Variants in MAX observed in about 807,000 individuals in gnomAD.
MAX encodes the protein protein max.
Under a neutral mutation model 22.3 loss-of-function variants are expected in MAX, and 3 were observed. The observed-to-expected ratio is 0.13, with a 90% CI of 0.06 to 0.35. MAX has a LOEUF of 0.35. Ranked by LOEUF, MAX falls within the 10% of genes least tolerant of loss-of-function variation. The pLI is 1.00. For missense variants in MAX, 119 were observed against 209.4 expected, an observed-to-expected ratio of 0.57 and a Z score of 2.66; for synonymous variants, 72 against 77.7, an observed-to-expected ratio of 0.93 and a Z score of 0.39.
Position 65,029,957 on chromosome 14 carries a change from A to G in MAX, c.172-23673T>C, listed in dbSNP as rs2062048016. Among the ~76,000 whole-genome samples, 1 of 152,236 alleles carries G rather than the reference A, an allele frequency of 6.6e-6. No homozygotes were observed. The highest frequency in any genetic ancestry group is 1.5e-5 in the Non-Finnish European group (1 of 68,040). ...GGCTTGGATTTGGGTGATGGCAGCAAGGATGGAAAGTTAGTGGACAAATTC... is the reference window on the plus strand; with the variant it reads ...GGCTTGGATTTGGGTGATGGCAGCAGGGATGGAAAGTTAGTGGACAAATTC... On this transcript the variant is annotated intron_variant, in intron 3 of 3. Transcript: ENST00000341653. This position sits in a 1 kb window ranked among gnomAD's most constrained non-coding sequence, Gnocchi z 4.7.
chr14:65,061,569 C>T (rs931400728), intron 3 of MAX: 20 of 421,356 alleles, frequency 4.7e-5, no homozygotes, highest in Non-Finnish European at 8.1e-5. Context: ...ACAGTGCATG[C>T]CAGGAGGAAG....
In MAX at chr14:65,027,777, G is replaced by A. The variant is rs1473519935; in HGVS notation, c.172-21493C>T. 1 of 1,614,172 alleles carries A rather than the reference G, an allele frequency of 6.2e-7. No homozygotes were observed. The highest frequency in any genetic ancestry group is 8.5e-7 in the Non-Finnish European group (1 of 1,180,034). On this transcript the variant is annotated intron_variant, in intron 3 of 3. Transcript: ENST00000341653. The surrounding 1 kb of genome is among the most constrained non-coding windows in gnomAD (Gnocchi z 5.7). ...CATGCATGTCGGAGGTGAGGTGGATGTGAGGTGAGTGGGGTTTTGCACAGG... is the reference window on the plus strand; with the variant it reads ...CATGCATGTCGGAGGTGAGGTGGATATGAGGTGAGTGGGGTTTTGCACAGG...
chr14:65,061,502 ATTCT>A, intron 3 of MAX: 1 of 1,084,292 alleles, frequency 9.2e-7, no homozygotes, highest in Admixed American at 3.0e-5. Context: ...GGTTTTAAAA[ATTCT>A]TTCCACACCT....
At position 65,079,310 on chromosome 14, in the gene MAX, TGA is replaced by T. The variant is rs1483915824; in HGVS notation, c.172-1276_172-1275del. The stretch of plus-strand genomic sequence containing the variant: ...GCTTGATGTCAACACAGGAAGAGCA[TGA>T]GATTGGGCCATTTCAGGAAACAACC... On this transcript the variant is annotated intron_variant, in intron 3 of 4. Transcript: ENST00000358664. The surrounding 1 kb of genome is among the most constrained non-coding windows in gnomAD (Gnocchi z 4.5). 2.6e-5 allele frequency among the ~76,000 whole-genome samples: 4 copies of T among 152,276 alleles called. No individual in the cohort carries two copies. The highest frequency in any genetic ancestry group is 7.2e-5 in the African/African-American group (3 of 41,556).
chr14:65,099,777 A>G (rs2063780251), intron 2 of MAX, among the ~76,000 whole-genome samples: 1 of 152,252 alleles, frequency 6.6e-6, no homozygotes, highest in African/African-American at 2.4e-5. Flanking sequence ...TTCAATTTTC[A>G]AATATATGCA....
At chr14:65,074,638 G>T (rs1160655549), downstream of MAX, among the ~76,000 whole-genome samples, 1 of 152,210 alleles carries the variant, frequency 6.6e-6, no homozygotes, top group African/African-American at 2.4e-5. Flanking sequence ...CTGGTGTTGG[G>T]TCCCAGTCTG....
chr14:65,095,863 A>G (rs1288460493), intron 2 of MAX, among the ~76,000 whole-genome samples: 1 of 152,174 alleles, frequency 6.6e-6, no homozygotes, highest in Non-Finnish European at 1.5e-5. Context: ...GAGCCCTGCA[A>G]ATCTCAAACA....
Position 65,031,528 on chromosome 14 carries a change from G to C in MAX, c.172-25244C>G, listed in dbSNP as rs2062083626. Among the ~76,000 whole-genome samples, 1 of 151,724 alleles carries C rather than the reference G, an allele frequency of 6.6e-6. No individual in the cohort carries two copies. Among genetic ancestry groups the C allele is most frequent in the Admixed American group, 6.6e-5 (1 of 15,252 alleles). On this transcript the variant is annotated intron_variant, in intron 3 of 3. Transcript: ENST00000341653. The surrounding 1 kb of genome is among the most constrained non-coding windows in gnomAD (Gnocchi z 4.6). ...AGACGGGGTTTCGCAATATTGGTCA[G>C]GTTGGTCTTGAACTCCTGGCCTCGT...
Position 65,027,543 on chromosome 14 carries a change from A to G in MAX, c.172-21259T>C. The stretch of plus-strand genomic sequence containing the variant: ...ATCCACACCTTGCACCCACATATGC[A>G]GCAGTCAATGCATTGTGCATCATTG... On this transcript the variant is annotated intron_variant, in intron 3 of 3. Coordinates refer to the MAX transcript ENST00000341653. This position sits in a 1 kb window ranked among gnomAD's most constrained non-coding sequence, Gnocchi z 5.7. 1 of 1,614,208 alleles carries G rather than the reference A, an allele frequency of 6.2e-7. No individual in the cohort carries two copies. The highest frequency in any genetic ancestry group is 2.2e-5 in the East Asian group (1 of 44,888).
rs1566555304 is a variant in MAX, at chr14:65,029,820, AT to A, written c.172-23537del. ...AGTTTAGTGATGTGATCTGATTTGT[AT>A]TTTCTTAGAAGTTTCCCAATTGCAG... On this transcript the variant is annotated intron_variant, in intron 3 of 3. Coordinates refer to the MAX transcript ENST00000341653. The surrounding 1 kb of genome is among the most constrained non-coding windows in gnomAD (Gnocchi z 4.7). Among the ~76,000 whole-genome samples, 1 of 152,070 alleles carries A rather than the reference AT, an allele frequency of 6.6e-6. No individual in the cohort carries two copies. Among genetic ancestry groups the A allele is most frequent in the Non-Finnish European group, 1.5e-5 (1 of 68,016 alleles).
chr14:65,077,876 C>G lies in MAX; in HGVS notation c.295+37G>C, dbSNP rs1469469757. 3 of 1,614,102 alleles carry G rather than the reference C, an allele frequency of 1.9e-6. No homozygotes were observed. Among genetic ancestry groups the G allele is most frequent in the African/African-American group, 1.3e-5 (1 of 74,948 alleles). The stretch of plus-strand genomic sequence containing the variant: ...GCCAAAGCCTGACCTGGCTGGAGCA[C>G]AGCAGGGCCAGCTGCCCCACGAGCT... On this transcript the variant is annotated intron_variant, in intron 4 of 4. Transcript: ENST00000358664. The surrounding 1 kb of genome is among the most constrained non-coding windows in gnomAD (Gnocchi z 6.3).
intron 3 of MAX, among the ~76,000 whole-genome samples, chr14:65,089,069 G>C (rs986127433): frequency 6.6e-6 from 1 of 152,294 alleles, no homozygotes. Context: ...CCCAACAACA[G>C]AGCAAGACCC....
rs553309786 is a variant in MAX at position 65,035,712 on chromosome 14, T to A, written c.172-29428A>T. ...AACCAGCTAATGTTTAAAAAAAAAA[T>A]TTGTAGAGATGGGATCTGTCTGTGT... On this transcript the variant is annotated intron_variant, in intron 3 of 3. Transcript: ENST00000341653. Among the ~76,000 whole-genome samples the A allele has an allele frequency of 3.3e-5, 5 of 151,362 alleles. No homozygotes were observed. In the South Asian group the frequency reaches 6.3e-4, roughly 19 times the overall value.
chr14:65,090,853 G>T (rs1595158672), intron 3 of MAX, among the ~76,000 whole-genome samples: 1 of 152,234 alleles, frequency 6.6e-6, no homozygotes, highest in East Asian at 1.9e-4. Flanking sequence ...AAAACAAAGG[G>T]TAAATAGAGT....
chr14:65,033,255 A>G (rs1488670357), intron 3 of MAX, among the ~76,000 whole-genome samples: 1 of 152,248 alleles, frequency 6.6e-6, no homozygotes, highest in East Asian at 1.9e-4. Flanking sequence ...CAAAAAAACC[A>G]TACAGATTAG....
chr14:65,088,897 G>T lies in MAX; in HGVS notation c.171+4811C>A, dbSNP rs1369954155. Among the ~76,000 whole-genome samples the T allele has an allele frequency of 6.6e-6, 1 of 152,130 alleles. No homozygotes were observed. Among genetic ancestry groups the T allele is most frequent in the African/African-American group, 2.4e-5 (1 of 41,422 alleles). On this transcript the variant is annotated intron_variant, in intron 3 of 4. Transcript: ENST00000358664. This position sits in a 1 kb window ranked among gnomAD's most constrained non-coding sequence, Gnocchi z 5.2. ...GAGAGCCTTTATCCTTAAGAATCAT[G>T]TTCCCTGCCATAAGGGAACTATTAT...
At chr14:65,102,244 G>A (rs1159503950) in intron 1 of MAX, 60 bp downstream of exon 1, 2 of 1,607,030 alleles carry the variant, frequency 1.2e-6, no homozygotes, top group Non-Finnish European at 1.7e-6. Context: ...CCCGCTAAGA[G>A]CCCCGGCCGC....
At chr14:65,022,687 AGTAGTCATT>A (rs1224389731) in intron 3 of MAX, among the ~76,000 whole-genome samples, 2 of 151,990 alleles carry the variant, frequency 1.3e-5, no homozygotes, top group African/African-American at 4.8e-5. Flanking sequence ...AAAAAAAAAA[AGTAGTCATT>A]TTTACAACTC....
intron 3 of MAX, among the ~76,000 whole-genome samples, chr14:65,060,941 T>G (rs1396582063): frequency 6.6e-6 from 1 of 151,682 alleles, no homozygotes; most frequent in Non-Finnish European, 1.5e-5. Context: ...CATAATATGT[T>G]GTAAGTATTT....
Sources: allele counts gnomAD v4.1 joint callset (sites outside exome capture counted in the v4.1 genomes callset), GRCh38; gene constraint gnomAD v4.1.1; non-coding constraint Gnocchi (gnomAD v3.1); transcripts MANE v1.5; gene names NCBI Gene and HGNC (gene_info 2026-07-23, HGNC 2026-07-21).